The following HMGB1 variants were observed in gnomAD, a reference collection of about 807,000 sequenced individuals.
The protein encoded by HMGB1 is high mobility group protein B1.
For missense variants in HMGB1, 79 were observed against 253.5 expected (o/e 0.31, Z 4.67); for synonymous variants, 81 against 84.0 (o/e 0.96, Z 0.19).
chr13:30,471,951 AGCCACCGCGGCTG>A (rs936173344), intron 1 of HMGB1, among the ~76,000 whole-genome samples: 1 of 149,070 alleles, frequency 6.7e-6, no homozygotes, highest in African/African-American at 2.5e-5. Flanking sequence ...TACAGGCGTG[AGCCACCGCGGCTG>A]GCCACCAATG....
At chr13:30,463,826 C>G in intron 1 of HMGB1, 132 bp from the exon 2 acceptor site, 1 of 623,700 alleles carries the variant, frequency 1.6e-6, no homozygotes, top group Non-Finnish European at 2.7e-6. Context: ...TCCGTAAAAT[C>G]AGACAAGAAT....
intron 1 of HMGB1, among the ~76,000 whole-genome samples, chr13:30,493,386 TG>T: frequency 6.6e-6 from 1 of 152,230 alleles, no homozygotes; most frequent in Non-Finnish European, 1.5e-5. Flanking sequence ...AATCGGTAAG[TG>T]GCAGAAAGCT....
chr13:30,495,550 C>T (rs2137446209), intron 1 of HMGB1, among the ~76,000 whole-genome samples: 1 of 151,346 alleles, frequency 6.6e-6, no homozygotes, highest in Admixed American at 6.6e-5. Context: ...ACCATCTCGG[C>T]TCACTGCAAG....
At chr13:30,538,654 T>TTTCTTTC in intron 1 of HMGB1, among the ~76,000 whole-genome samples, 1 of 67,614 alleles carries the variant, frequency 1.5e-5, no homozygotes, top group African/African-American at 9.2e-5. Context: ...TTTCTTTCTT[T>TTTCTTTC]CTTTCTTTCC....
chr13:30,514,985 T>C (rs765248742), intron 1 of HMGB1, among the ~76,000 whole-genome samples: 3 of 152,320 alleles, frequency 2.0e-5, no homozygotes, highest in Middle Eastern at 6.8e-3. Context: ...TAGGTTGTGT[T>C]AGATGGCACA....
chr13:30,482,940 A>G (rs1331890665), intron 1 of HMGB1, among the ~76,000 whole-genome samples: 1 of 139,162 alleles, frequency 7.2e-6, no homozygotes, highest in Non-Finnish European at 1.5e-5. Flanking sequence ...AGTGCACACC[A>G]CCAACACCAG....
intron 1 of HMGB1, among the ~76,000 whole-genome samples, chr13:30,529,219 C>T (rs934237870): frequency 1.2e-4 from 18 of 151,952 alleles, no homozygotes; most frequent in African/African-American, 4.4e-4. Context: ...ACAATGTGAC[C>T]CTGCACAGTC....
intron 1 of HMGB1, among the ~76,000 whole-genome samples, chr13:30,576,936 A>G (rs1257150399): frequency 2.0e-5 from 3 of 152,166 alleles, no homozygotes; most frequent in Admixed American, 6.5e-5. Context: ...CCCCAAATTC[A>G]TATGTCCTAA....
intron 1 of HMGB1, chr13:30,553,596 A>G: frequency 1.7e-6 from 1 of 577,496 alleles, no homozygotes; most frequent in South Asian, 1.9e-5. Context: ...ATAATAAACC[A>G]CATTGAGTGT....
intron 1 of HMGB1, among the ~76,000 whole-genome samples, chr13:30,588,425 T>C (rs1202756496): frequency 1.3e-5 from 2 of 151,960 alleles, no homozygotes; most frequent in Non-Finnish European, 1.5e-5. Context: ...GGGGATACAA[T>C]ATATGTAAAA....
Position 30,608,101 on chromosome 13 carries a change from C to T in HMGB1, c.-15+8570G>A, listed in dbSNP as rs140226946. 3.1e-3 allele frequency among the ~76,000 whole-genome samples: 470 copies of T among 152,202 alleles called. 3 individuals are homozygous for T. Among genetic ancestry groups the T allele is most frequent in the African/African-American group, 0.011 (449 of 41,526 alleles). ...TGGTTTCTGCCTCTCTCTCAGATCACGTGCTCTGGGGGAAAAGCCAGGTGT... is the reference window on the plus strand; with the variant it reads ...TGGTTTCTGCCTCTCTCTCAGATCATGTGCTCTGGGGGAAAAGCCAGGTGT... On this transcript the variant is annotated intron_variant, in intron 1 of 4. Transcript: ENST00000405805.
chr13:30,544,790 C>A (rs1028418456), intron 1 of HMGB1, among the ~76,000 whole-genome samples: 1 of 152,234 alleles, frequency 6.6e-6, no homozygotes, highest in African/African-American at 2.4e-5. Flanking sequence ...TGATTTGTAG[C>A]TGGTGGGTCA....
chr13:30,589,186 GTAGAGA>G (rs940442195), intron 1 of HMGB1, among the ~76,000 whole-genome samples: 3 of 151,786 alleles, frequency 2.0e-5, no homozygotes, highest in African/African-American at 7.3e-5. Context: ...TGTATTTTTA[GTAGAGA>G]TGGGGTTTCT....
At chr13:30,534,918 A>G (rs1264683569) in intron 1 of HMGB1, among the ~76,000 whole-genome samples, 2 of 152,126 alleles carry the variant, frequency 1.3e-5, no homozygotes, top group Admixed American at 6.6e-5. Flanking sequence ...AGGCTCCGTG[A>G]CATTTTCCAC....
intron 1 of HMGB1, among the ~76,000 whole-genome samples, chr13:30,576,866 T>A (rs1333545873): frequency 1.3e-5 from 2 of 152,218 alleles, no homozygotes; most frequent in East Asian, 3.9e-4. Flanking sequence ...CAACTTGTGC[T>A]GATTTTATCT....
At chr13:30,491,952 A>G (rs535163749) in intron 1 of HMGB1, among the ~76,000 whole-genome samples, 27 of 151,248 alleles carry the variant, frequency 1.8e-4, no homozygotes, top group African/African-American at 5.1e-4. Flanking sequence ...GCAGATCAGG[A>G]GGTCAGGAGA....
intron 1 of HMGB1, among the ~76,000 whole-genome samples, chr13:30,614,884 T>C (rs1220949966): frequency 1.3e-5 from 2 of 151,114 alleles, no homozygotes; most frequent in Admixed American, 6.6e-5. Context: ...TTTTTTTTTT[T>C]TTTTTTTAGT....
intron 1 of HMGB1, among the ~76,000 whole-genome samples, chr13:30,596,827 T>C (rs1200625379): frequency 6.6e-6 from 1 of 152,206 alleles, no homozygotes; most frequent in Non-Finnish European, 1.5e-5. Flanking sequence ...TATTGCTCCA[T>C]GATTAACGGA....
chr13:30,557,857 G>A (rs1566024618), intron 1 of HMGB1, among the ~76,000 whole-genome samples: 1 of 152,184 alleles, frequency 6.6e-6, no homozygotes, highest in Non-Finnish European at 1.5e-5. Context: ...GAGCGAGACA[G>A]GGCACAGAAT....
Sources: gnomAD v4.1 joint callset for allele counts (sites outside exome capture counted in the v4.1 genomes callset) on GRCh38, gnomAD v4.1.1 for gene constraint, MANE v1.5 for transcripts, NCBI Gene and HGNC (gene_info 2026-07-23, HGNC 2026-07-21) for gene names.